The following CSPP1 variants were observed in gnomAD, a reference collection of about 807,000 sequenced individuals.
CSPP1 encodes centrosome and spindle pole associated protein 1.
CSPP1 carries 126 observed loss-of-function variants against 164.4 expected under a neutral mutation model. That is an observed-to-expected ratio of 0.77 (90% CI 0.66 to 0.89). CSPP1 has a LOEUF of 0.89. Ranked by LOEUF, CSPP1 falls within the 40% of genes least tolerant of loss-of-function variation. The pLI is 0.00. For missense variants in CSPP1, 1,395 were observed against 1,449.8 expected (o/e 0.96, Z 0.61); for synonymous variants, 472 against 476.7 (o/e 0.99, Z 0.13).
chr8:67,085,900 T>A, intron 3 of CSPP1, 107 bp from the exon 4 acceptor site: 4 of 650,690 alleles, frequency 6.1e-6, no homozygotes, highest in Non-Finnish European at 8.4e-6. Context: ...AATCCTACTC[T>A]TGGAATAAGC....
intron 3 of CSPP1, among the ~76,000 whole-genome samples, chr8:67,078,313 A>G (rs905957664): frequency 6.6e-6 from 1 of 152,104 alleles, no homozygotes; most frequent in Non-Finnish European, 1.5e-5. Flanking sequence ...CGTAATTGGT[A>G]CACAATAAAT....
chr8:67,103,839 CA>C (rs757419585), intron 8 of CSPP1, among the ~76,000 whole-genome samples: 9,345 of 59,816 alleles, frequency 0.16, 361 homozygotes, highest in African/African-American at 0.26. Flanking sequence ...GACTCCCTCT[CA>C]AAAAAAAAAA....
rs2129545454 is a variant in CSPP1 at position 67,095,332 on chromosome 8, A to C, written c.523A>C (p.Lys175Gln). 1 of 1,595,298 alleles carries C rather than the reference A, an allele frequency of 6.3e-7. No homozygotes were observed. The highest frequency in any genetic ancestry group is 2.2e-5 in the East Asian group (1 of 44,798). Reference protein sequence around the residue: ...QRNKKPIGQVKPDLTSQIQTS... With the variant: ...QRNKKPIGQVQPDLTSQIQTS... ...AAATAAAAAACCTATTGGTCAAGTT[A>C]AGCCTGATCTAACTTCACAAATACA... The change falls in exon 7 of 31, where the codon AAG (lysine) becomes CAG (glutamine). Residue 175 changes from lysine (K) to glutamine (Q), a missense_variant. Lys to Gln is a moderately conservative substitution (Grantham distance 53). Coordinates refer to ENST00000678616, the MANE Select transcript of CSPP1 (RefSeq NM_001382391.1).
At chr8:67,103,159 C>G (rs746065019) in intron 8 of CSPP1, 24 bp downstream of exon 8, 1 of 1,367,280 alleles carries the variant, frequency 7.3e-7, no homozygotes, top group Non-Finnish European at 1.0e-6. Flanking sequence ...TATAAATTCT[C>G]TGCTTTAGTC....
chr8:67,146,049 CAG>C (rs368363684), intron 17 of CSPP1, among the ~76,000 whole-genome samples: 1 of 151,568 alleles, frequency 6.6e-6, no homozygotes, highest in South Asian at 2.1e-4. Context: ...TTCCAAGTAT[CAG>C]GGGATTTTCC....
At chr8:67,119,589 G>A (rs922886109) in intron 15 of CSPP1, among the ~76,000 whole-genome samples, 1 of 151,980 alleles carries the variant, frequency 6.6e-6, no homozygotes, top group Non-Finnish European at 1.5e-5. Flanking sequence ...CCATTCTAAT[G>A]AGTGTAAGAT....
At chr8:67,099,937 T>C (rs1586076761) in intron 7 of CSPP1, among the ~76,000 whole-genome samples, 1 of 152,190 alleles carries the variant, frequency 6.6e-6, no homozygotes, top group Non-Finnish European at 1.5e-5. Flanking sequence ...AAAAAAATTA[T>C]AAAATCTGTA....
chr8:67,081,695 A>T (rs1227978747), intron 3 of CSPP1, among the ~76,000 whole-genome samples: 1 of 152,242 alleles, frequency 6.6e-6, no homozygotes, highest in Admixed American at 6.5e-5. Flanking sequence ...ATCTTTTAAA[A>T]ATGTTTTGAT....
At chr8:67,159,892 CTTT>C (rs1586610552) in intron 21 of CSPP1, among the ~76,000 whole-genome samples, 1 of 66,298 alleles carries the variant, frequency 1.5e-5, no homozygotes, top group Non-Finnish European at 2.8e-5. Context: ...TTCTTTCTTT[CTTT>C]CTTTCTTTCT....
At chr8:67,187,410 T>C (rs1011043323) in intron 28 of CSPP1, among the ~76,000 whole-genome samples, 37 of 152,196 alleles carry the variant, frequency 2.4e-4, no homozygotes, top group African/African-American at 8.9e-4. Context: ...AATAGACTCA[T>C]GCAGCCTGGG....
At chr8:67,111,423 GAAGTT>G (rs1282265228) in intron 9 of CSPP1, among the ~76,000 whole-genome samples, 14 of 152,036 alleles carry the variant, frequency 9.2e-5, no homozygotes, top group African/African-American at 3.1e-4. Flanking sequence ...AATTAGTTAG[GAAGTT>G]ATTGCTGCAA....
intron 15 of CSPP1, among the ~76,000 whole-genome samples, chr8:67,120,998 C>T (rs1252999380): frequency 2.0e-5 from 3 of 151,804 alleles, no homozygotes; most frequent in South Asian, 2.1e-4. Flanking sequence ...GGATTAAAGG[C>T]GTGCACCACT....
At chr8:67,179,764 G>A in intron 27 of CSPP1, 99 bp from the exon 28 acceptor site, 1 of 768,026 alleles carries the variant, frequency 1.3e-6, no homozygotes, top group Non-Finnish European at 2.2e-6. Context: ...TCTGCTTTTA[G>A]GGAGAACAGT....
At chr8:67,152,545 T>G (rs1825916473) in intron 18 of CSPP1, among the ~76,000 whole-genome samples, 2 of 152,222 alleles carry the variant, frequency 1.3e-5, no homozygotes, top group African/African-American at 4.8e-5. Context: ...CCTTTTATAG[T>G]TTATTCATTT....
At chr8:67,138,412 A>G (rs1345364799) in intron 17 of CSPP1, among the ~76,000 whole-genome samples, 2 of 152,198 alleles carry the variant, frequency 1.3e-5, no homozygotes, top group Admixed American at 6.5e-5. Flanking sequence ...GTAATCTTGT[A>G]TTAATTAGGG....
In CSPP1 at chr8:67,095,529, C is replaced by G. The variant is rs781771119; in HGVS notation, c.720C>G (p.Gly240=). 1.9e-6 allele frequency: 3 copies of G among 1,613,424 alleles called. No individual in the cohort carries two copies. The highest frequency in any genetic ancestry group is 2.5e-6 in the Non-Finnish European group (3 of 1,179,822). The change falls in exon 7 of 31, where the codon GGC becomes GGG. Residue 240 remains glycine, a synonymous_variant. Transcript: ENST00000678616. ...RIIKKANEEV[G]ISNLKHQRFA... ...TTAAAAAAGCAAATGAAGAAGTGGGCATTTCCAACCTAAAACATCAAAGGT... is the reference window on the plus strand; with the variant it reads ...TTAAAAAAGCAAATGAAGAAGTGGGGATTTCCAACCTAAAACATCAAAGGT...
intron 24 of CSPP1, among the ~76,000 whole-genome samples, chr8:67,168,958 T>TA (rs1830000565): frequency 6.6e-6 from 1 of 152,210 alleles, no homozygotes; most frequent in South Asian, 2.1e-4. Flanking sequence ...CCTTAAGTAT[T>TA]AGAGGTCTCT....
At chr8:67,069,153 A>C (rs1036615716) in intron 1 of CSPP1, 1 of 152,226 alleles carries the variant, frequency 6.6e-6, no homozygotes, top group African/African-American at 2.4e-5. Flanking sequence ...TCCTTAATGC[A>C]ATGAGTAGTA....
chr8:67,146,799 C>T (rs546991604), intron 17 of CSPP1, among the ~76,000 whole-genome samples: 3 of 152,130 alleles, frequency 2.0e-5, no homozygotes, highest in Non-Finnish European at 2.9e-5. Flanking sequence ...GTGAGGAGCA[C>T]GTAAGTGCTC....
Sources: allele counts gnomAD v4.1 joint callset (sites outside exome capture counted in the v4.1 genomes callset), GRCh38; gene constraint gnomAD v4.1.1; transcripts MANE v1.5; gene names NCBI Gene and HGNC (gene_info 2026-07-23, HGNC 2026-07-21).